The following STAB2 variants were observed in gnomAD, a reference collection of about 807,000 sequenced individuals.
STAB2 encodes the protein stabilin 2.
In STAB2, 288 loss-of-function variants were observed where a neutral mutation model predicts 338.1. That is an observed-to-expected ratio of 0.85 (90% CI 0.77 to 0.94). The LOEUF (loss-of-function observed/expected upper bound fraction) is 0.94, where lower values mean the gene tolerates loss of function less well. Among genes scored for constraint, STAB2 ranks in the 40% least tolerant of loss-of-function variants. STAB2 has a pLI of 0.00. For synonymous variants in STAB2, 1,202 were observed against 1,193.3 expected (o/e 1.01, Z -0.15); for missense variants, 3,141 against 3,210.1 (o/e 0.98, Z 0.52).
At chr12:103,678,166 G>A (rs527759782) in intron 25 of STAB2, among the ~76,000 whole-genome samples, 21 of 152,312 alleles carry the variant, frequency 1.4e-4, no homozygotes, top group African/African-American at 3.8e-4. Context: ...AAGGAGGTCA[G>A]AACACACGGA....
In STAB2 at chr12:103,766,134, A is replaced by C. The variant is rs752094209; in HGVS notation, c.7606-152A>C. On this transcript the variant is annotated intron_variant, in intron 68 of 68. Transcript: ENST00000388887. ...TACCCCCAGCCCATCCTGCCTCCCA[A>C]CACAAGGCAGCAGCACAAACAAACA... 4.7e-6 allele frequency: 5 copies of C among 1,065,830 alleles called. No individual in the cohort carries two copies. In the South Asian group the frequency reaches 6.7e-5, roughly 14 times the overall value. 66.0% of individuals were successfully genotyped at this position (1,065,830 alleles called of 1,614,324 possible). A position where few individuals can be genotyped will look rare whatever the true frequency, so the allele number is the denominator to read the frequency against.
At chr12:103,725,230 CA>C in intron 45 of STAB2, 136 bp downstream of exon 45, 1 of 1,385,838 alleles carries the variant, frequency 7.2e-7, no homozygotes, top group South Asian at 1.5e-5. Context: ...TTACATAAAT[CA>C]GCAATGAAAA....
Position 103,761,366 on chromosome 12 carries a change from A to AT in STAB2, c.7317dup (p.His2440SerfsTer57), listed in dbSNP as rs1297552094. On this transcript the variant is annotated frameshift_variant, in exon 66 of 69. Transcript: ENST00000388887. LOFTEE classifies it high-confidence loss of function. ...GGACATCTTTGCCTCCAATGGGATC[A>AT]TTCATGTCATTTCCAGGCCTTTAAA... The AT allele has an allele frequency of 6.2e-7, 1 of 1,613,544 alleles. No homozygotes were observed. The highest frequency in any genetic ancestry group is 8.5e-7 in the Non-Finnish European group (1 of 1,179,824).
rs368254059 is a variant in STAB2 at position 103,746,561 on chromosome 12, A to C, written c.6137-36A>C. 4.4e-6 allele frequency: 7 copies of C among 1,601,642 alleles called. No individual in the cohort carries two copies. In the African/African-American group the frequency reaches 8.0e-5, roughly 18 times the overall value. The stretch of plus-strand genomic sequence containing the variant: ...TAGATGGGTTTTAACTCTTCACACC[A>C]TGGGTACAGAATGAAAGTGGCCCCT... On this transcript the variant is annotated intron_variant, in intron 57 of 68. Transcript: ENST00000388887.
chr12:103,673,547 C>T (rs1876030693), intron 22 of STAB2, among the ~76,000 whole-genome samples: 1 of 151,948 alleles, frequency 6.6e-6, no homozygotes, highest in Non-Finnish European at 1.5e-5. Flanking sequence ...CAGGGTTTCA[C>T]CATGTTGCCC....
At chr12:103,737,590 C>G in intron 52 of STAB2, 44 bp from the exon 53 acceptor site, 10 of 1,386,248 alleles carry the variant, frequency 7.2e-6, no homozygotes, top group East Asian at 2.5e-5. Context: ...CTCTCTCTCT[C>G]TCTCTCTCTC....
At chr12:103,653,246 A>G (rs552588065) in intron 12 of STAB2, among the ~76,000 whole-genome samples, 1 of 152,256 alleles carries the variant, frequency 6.6e-6, no homozygotes, top group African/African-American at 2.4e-5. Flanking sequence ...AGTCAACAAA[A>G]TGTGCATGTA....
At chr12:103,722,787 T>A (rs11837927) in intron 44 of STAB2, among the ~76,000 whole-genome samples, 17 of 152,208 alleles carry the variant, frequency 1.1e-4, no homozygotes, top group African/African-American at 3.9e-4. Flanking sequence ...GTTTTTGTGC[T>A]GGGGAGTATG....
At chr12:103,652,411 C>T (rs1201277130) in intron 11 of STAB2, 145 bp from the exon 12 acceptor site, 1 of 617,042 alleles carries the variant, frequency 1.6e-6, no homozygotes, top group Non-Finnish European at 2.7e-6. Flanking sequence ...ATTGTCAGTG[C>T]TTTCATGCAT....
At chr12:103,676,806 G>C (rs1876417339) in intron 24 of STAB2, among the ~76,000 whole-genome samples, 1 of 152,202 alleles carries the variant, frequency 6.6e-6, no homozygotes, top group Non-Finnish European at 1.5e-5. Flanking sequence ...CTCACAGCCA[G>C]AGTGGCTTGA....
intron 51 of STAB2, among the ~76,000 whole-genome samples, chr12:103,735,105 C>T (rs1882004985): frequency 6.6e-6 from 1 of 152,176 alleles, no homozygotes; most frequent in Non-Finnish European, 1.5e-5. Context: ...AACTGGGGGT[C>T]AGGACTTCAA....
Position 103,708,520 on chromosome 12 carries a change from A to AG in STAB2, c.4273dup (p.Val1425GlyfsTer4). On this transcript the variant is annotated frameshift_variant, in exon 39 of 69. Coordinates refer to ENST00000388887, the MANE Select transcript of STAB2 (RefSeq NM_017564.10). LOFTEE classifies it high-confidence loss of function. ...GTGACTGTGATGTTGGCTGGCGAGGAGTGCATTGTGACAATGGTAAGAGTG... is the reference window on the plus strand; with the variant it reads ...GTGACTGTGATGTTGGCTGGCGAGGAGGTGCATTGTGACAATGGTAAGAGTG... 6.2e-7 allele frequency: 1 copy of AG among 1,614,046 alleles called. No homozygotes were observed. Among genetic ancestry groups the AG allele is most frequent in the Non-Finnish European group, 8.5e-7 (1 of 1,179,896 alleles).
At chr12:103,737,506 T>C (rs74353561) in intron 52 of STAB2, 128 bp from the exon 53 acceptor site, 10,098 of 1,002,984 alleles carry the variant, frequency 0.01, 67 homozygotes, top group Non-Finnish European at 0.012. Flanking sequence ...AAGTTCTTCC[T>C]GAGTCTTGCA....
At chr12:103,704,456 G>A in intron 35 of STAB2, 102 bp from the exon 36 acceptor site, 1 of 1,151,200 alleles carries the variant, frequency 8.7e-7, no homozygotes, top group Non-Finnish European at 1.3e-6. Flanking sequence ...CAGATAATCT[G>A]CCTTGATTTT....
At chr12:103,627,310 A>G (rs1294774139) in intron 5 of STAB2, among the ~76,000 whole-genome samples, 1 of 152,172 alleles carries the variant, frequency 6.6e-6, no homozygotes, top group African/African-American at 2.4e-5. Flanking sequence ...AAGGAGCTGG[A>G]AATGTGGGTG....
chr12:103,714,584 G>A (rs1347417648), intron 42 of STAB2, among the ~76,000 whole-genome samples: 2 of 151,962 alleles, frequency 1.3e-5, no homozygotes, highest in Non-Finnish European at 2.9e-5. Context: ...CTACTTGGGA[G>A]GCTGAGGCAG....
chr12:103,636,661 T>C (rs1957553095), intron 6 of STAB2, among the ~76,000 whole-genome samples: 1 of 152,116 alleles, frequency 6.6e-6, no homozygotes, highest in South Asian at 2.1e-4. Context: ...AAGTTTTGTA[T>C]CTTCTACCAG....
At chr12:103,667,158 A>C (rs1286692414) in intron 19 of STAB2, among the ~76,000 whole-genome samples, 2 of 152,218 alleles carry the variant, frequency 1.3e-5, no homozygotes, top group African/African-American at 4.8e-5. Context: ...CTTTAATGTG[A>C]TTCTATTGTG....
intron 68 of STAB2, chr12:103,765,898 T>C: frequency 5.6e-6 from 2 of 356,234 alleles, no homozygotes; most frequent in South Asian, 2.2e-5. Context: ...TGGTTCAAGA[T>C]GAATTTTCAA....
Sources: allele counts gnomAD v4.1 joint callset (sites outside exome capture counted in the v4.1 genomes callset), GRCh38; gene constraint gnomAD v4.1.1; transcripts MANE v1.5; gene names NCBI Gene and HGNC (gene_info 2026-07-23, HGNC 2026-07-21).